The following TMEM245 variants were observed in gnomAD, a reference collection of about 807,000 sequenced individuals.
The protein encoded by TMEM245 is protein CG-2.
In TMEM245, 69 loss-of-function variants were observed where a neutral mutation model predicts 101.2. That is an observed-to-expected ratio of 0.68 (90% CI 0.56 to 0.83). The LOEUF is 0.83. TMEM245 is among the 40% of genes least tolerant of loss of function. TMEM245 has a pLI of 0.00. For synonymous variants in TMEM245, 537 were observed against 449.8 expected (o/e 1.19, Z -2.45); for missense variants, 1,075 against 1,092.8 (o/e 0.98, Z 0.23).
At chr9:109,095,085 A>C (rs1294559932) in intron 3 of TMEM245, among the ~76,000 whole-genome samples, 1 of 152,196 alleles carries the variant, frequency 6.6e-6, no homozygotes, top group Non-Finnish European at 1.5e-5. Context: ...TGTGACCTGA[A>C]AGAGTTCATT....
intron 14 of TMEM245, among the ~76,000 whole-genome samples, chr9:109,041,307 G>T (rs1181638789): frequency 1.3e-5 from 2 of 152,078 alleles, no homozygotes; most frequent in Non-Finnish European, 2.9e-5. Flanking sequence ...AGGAAATCCT[G>T]TCATTTGCGA....
At chr9:109,056,638 A>G (rs1032438083) in intron 12 of TMEM245, among the ~76,000 whole-genome samples, 1 of 152,082 alleles carries the variant, frequency 6.6e-6, no homozygotes, top group Non-Finnish European at 1.5e-5. Context: ...TTAATTTTAA[A>G]AAGTTTAGCA....
chr9:109,087,346 AAAAAAGAC>A lies in TMEM245; in HGVS notation c.1151-12_1151-5del, dbSNP rs755986956. 5 of 1,583,854 alleles carry A rather than the reference AAAAAAGAC, an allele frequency of 3.2e-6. No individual in the cohort carries two copies. The East Asian group carries it at 1.1e-4, about 36-fold the overall frequency. On this transcript the variant is annotated splice_polypyrimidine_tract_variant and splice_region_variant and intron_variant, in intron 5 of 17. Transcript: ENST00000374586. ...ACAAGCTTTTTGAGTATCCAGACTA[AAAAAAGAC>A]AAAAAATACATATATAAACAAAATA...
chr9:109,100,034 G>GT (rs1271298318), intron 3 of TMEM245, among the ~76,000 whole-genome samples: 1 of 152,198 alleles, frequency 6.6e-6, no homozygotes, highest in Non-Finnish European at 1.5e-5. Context: ...TCTGTTCATT[G>GT]TAAGTTTCCA....
At chr9:109,102,400 AAAT>A (rs1283914426) in intron 3 of TMEM245, among the ~76,000 whole-genome samples, 1 of 152,348 alleles carries the variant, frequency 6.6e-6, no homozygotes, top group East Asian at 1.9e-4. Context: ...CTCATTTATC[AAAT>A]AAAATAATAA....
chr9:109,081,089 C>T, intron 7 of TMEM245, 146 bp from the exon 8 acceptor site: 1 of 593,696 alleles, frequency 1.7e-6, no homozygotes, highest in East Asian at 2.9e-5. Context: ...AAGCTTTAAG[C>T]AACTTTAAAA....
intron 17 of TMEM245, among the ~76,000 whole-genome samples, chr9:109,032,467 C>G (rs1404559478): frequency 7.0e-6 from 1 of 142,472 alleles, no homozygotes; most frequent in Non-Finnish European, 1.5e-5. Context: ...TCACTGCAAC[C>G]TCCACCTCCC....
chr9:109,020,427 C>T lies in TMEM245; in HGVS notation c.*33G>A. 2 of 1,610,462 alleles carry T rather than the reference C, an allele frequency of 1.2e-6. No homozygotes were observed. Among genetic ancestry groups the T allele is most frequent in the Non-Finnish European group, 1.7e-6 (2 of 1,176,662 alleles). ...AGCTGAACTCGCTGTCAAATTTGAACTTCCTAGAAAAATCACTGCAGAGGA... is the reference window on the plus strand; with the variant it reads ...AGCTGAACTCGCTGTCAAATTTGAATTTCCTAGAAAAATCACTGCAGAGGA... On this transcript the variant is annotated 3_prime_UTR_variant, in exon 18 of 18. Transcript: ENST00000374586.
chr9:109,102,826 A>G (rs1830314981), intron 3 of TMEM245, among the ~76,000 whole-genome samples: 1 of 152,252 alleles, frequency 6.6e-6, no homozygotes, highest in Non-Finnish European at 1.5e-5. Flanking sequence ...TATTATCGCC[A>G]TCAGAAAGAA....
intron 7 of TMEM245, among the ~76,000 whole-genome samples, chr9:109,083,923 A>AAAAAAAAAAAAAAAAAC (rs1829755961): frequency 7.2e-6 from 1 of 139,604 alleles, no homozygotes; most frequent in Non-Finnish European, 1.6e-5. Flanking sequence ...AAAAAAAAAA[A>AAAAAAAAAAAAAAAAAC]AAAAAACACC....
At chr9:109,033,531 C>A (rs1219306894) in intron 16 of TMEM245, 30 bp from the exon 17 acceptor site, 1 of 1,530,090 alleles carries the variant, frequency 6.5e-7, no homozygotes, top group Admixed American at 2.2e-5. Flanking sequence ...CTTTAACACA[C>A]AAAAACTGGA....
At chr9:109,031,747 T>C (rs1564169849) in intron 17 of TMEM245, among the ~76,000 whole-genome samples, 1 of 152,202 alleles carries the variant, frequency 6.6e-6, no homozygotes, top group East Asian at 1.9e-4. Flanking sequence ...GCTATTTAGA[T>C]GTACATTTCA....
chr9:109,066,566 T>G (rs1019020724), intron 9 of TMEM245, among the ~76,000 whole-genome samples: 1 of 151,336 alleles, frequency 6.6e-6, no homozygotes, highest in African/African-American at 2.4e-5. Flanking sequence ...GAAATCTGGG[T>G]CACTAAACTG....
At position 109,057,174 on chromosome 9, in the gene TMEM245, TA is replaced by T; in HGVS notation, c.1854+16del. On this transcript the variant is annotated intron_variant, in intron 12 of 17. Coordinates refer to ENST00000374586, the MANE Select transcript of TMEM245 (RefSeq NM_032012.4). ...TTTATTTTGAACTTCAGCTTAACTA[TA>T]AATGCTATTTCTTACCGAAAGAAAT... is the stretch of plus-strand genomic sequence containing the variant. The T allele has an allele frequency of 6.2e-7, 1 of 1,608,622 alleles. No individual in the cohort carries two copies. The highest frequency in any genetic ancestry group is 8.5e-7 in the Non-Finnish European group (1 of 1,177,220).
At chr9:109,095,831 C>G (rs988121695) in intron 3 of TMEM245, among the ~76,000 whole-genome samples, 4 of 152,338 alleles carry the variant, frequency 2.6e-5, no homozygotes, top group African/African-American at 9.6e-5. Flanking sequence ...TCTCACCCCT[C>G]TCACCACCCT....
chr9:109,108,422 A>AT (rs1554728675), intron 2 of TMEM245, 31 bp downstream of exon 2: 1 of 471,680 alleles, frequency 2.1e-6, no homozygotes, highest in African/African-American at 2.1e-5. Flanking sequence ...GCTAGACTTA[A>AT]AAAAAAAAAA....
intron 1 of TMEM245, among the ~76,000 whole-genome samples, chr9:109,114,303 T>C (rs1488927292): frequency 2.0e-5 from 3 of 152,348 alleles, no homozygotes; most frequent in African/African-American, 7.2e-5. Context: ...CCTCTCCTTG[T>C]TTCTTGCTGC....
rs757173851 is a variant in TMEM245, at chr9:109,087,236, C to T, written c.1257G>A (p.Gln419=). The T allele has an allele frequency of 6.2e-7, 1 of 1,613,916 alleles. No homozygotes were observed. Among genetic ancestry groups the T allele is most frequent in the South Asian group, 1.1e-5 (1 of 91,048 alleles). Residue 419 remains glutamine (Q), a synonymous_variant, in exon 6 of 18, where the codon CAG becomes CAA. Coordinates refer to ENST00000374586, the MANE Select transcript of TMEM245 (RefSeq NM_032012.4). ...CAATGGGCCAAGGCGCGAGAGCTCC[C>T]TGCCGCTCCTTCAGGAAGCTTTCTA... is the stretch of plus-strand genomic sequence containing the variant. ...GIIESFLKER[Q]GALAPWPIVG... is the part of the protein sequence containing the mutation.
At chr9:109,089,764 A>T (rs1384450712) in intron 5 of TMEM245, among the ~76,000 whole-genome samples, 1 of 152,218 alleles carries the variant, frequency 6.6e-6, no homozygotes, top group Admixed American at 6.5e-5. Flanking sequence ...TTACCACAGC[A>T]TTAAGATACA....
Sources: allele counts gnomAD v4.1 joint callset (sites outside exome capture counted in the v4.1 genomes callset), GRCh38; gene constraint gnomAD v4.1.1; transcripts MANE v1.5; gene names NCBI Gene and HGNC (gene_info 2026-07-23, HGNC 2026-07-21).